CDH23: variants seen among roughly 807,000 people sequenced by gnomAD.
CDH23 encodes cadherin related 23.
In CDH23, 189 loss-of-function variants were observed where a neutral mutation model predicts 317.1. The observed-to-expected ratio is 0.60, with a 90% CI of 0.53 to 0.67. The LOEUF (loss-of-function observed/expected upper bound fraction) is 0.67, where lower values mean the gene tolerates loss of function less well. Among genes scored for constraint, CDH23 ranks in the 30% least tolerant of loss-of-function variants. CDH23 has a pLI of 0.00. For synonymous variants in CDH23, 1,839 were observed against 1,876.8 expected (o/e 0.98, Z 0.52); for missense variants, 4,401 against 4,592.4 (o/e 0.96, Z 1.20).
chr10:71,417,277 A>G lies in CDH23; in HGVS notation c.-6+19959A>G, dbSNP rs190293044. Reference sequence around the variant, plus strand: ...TTTTTAGTAGAGACAGGGTTTCACCATGTTGGCCAGGCTGTTCTCAAACTA... The same window carrying G: ...TTTTTAGTAGAGACAGGGTTTCACCGTGTTGGCCAGGCTGTTCTCAAACTA... On this transcript the variant is annotated intron_variant, in intron 1 of 69. Coordinates refer to ENST00000224721, the MANE Select transcript of CDH23 (RefSeq NM_022124.6). 4.4e-3 allele frequency among the ~76,000 whole-genome samples: 664 copies of G among 152,170 alleles called. 5 individuals are homozygous for G. The highest frequency in any genetic ancestry group is 0.015 in the African/African-American group (623 of 41,536).
At chr10:71,584,502 T>A (rs1480048618) in intron 9 of CDH23, among the ~76,000 whole-genome samples, 1 of 150,840 alleles carries the variant, frequency 6.6e-6, no homozygotes, top group Non-Finnish European at 1.5e-5. Flanking sequence ...TAAAATATAC[T>A]GAAATACATG....
In CDH23 at chr10:71,810,542, A is replaced by C. The variant is rs1031396546; in HGVS notation, c.9050A>C (p.Asp3017Ala). The C allele has an allele frequency of 6.2e-7, 1 of 1,613,926 alleles. No individual in the cohort carries two copies. The highest frequency in any genetic ancestry group is 1.6e-4 in the Middle Eastern group (1 of 6,062). ...CTGCTTATCCACGTGGTGAACCGCG[A>C]TACCAACCGCATCCTGGACGTGGAC... ...TELLIHVVNR[D>A]TNRILDVDRV... Residue 3017 changes from aspartate to alanine, a missense_variant, in exon 62 of 70, where the codon GAT becomes GCT. Coordinates refer to ENST00000224721, the MANE Select transcript of CDH23 (RefSeq NM_022124.6).
chr10:71,575,052 G>A (rs889508456), intron 8 of CDH23, among the ~76,000 whole-genome samples: 14 of 152,288 alleles, frequency 9.2e-5, no homozygotes, highest in African/African-American at 3.4e-4. Flanking sequence ...GAGAGAGGGG[G>A]AACCTTGCTG....
At chr10:71,799,697 C>T (rs1383810486) in intron 52 of CDH23, 68 bp downstream of exon 52, 4 of 1,605,638 alleles carry the variant, frequency 2.5e-6, no homozygotes, top group South Asian at 1.1e-5. Context: ...TGAGCAGCCA[C>T]CAAAAGTATT....
At chr10:71,563,711 AC>A (rs1200087794) in intron 6 of CDH23, among the ~76,000 whole-genome samples, 1 of 143,548 alleles carries the variant, frequency 7.0e-6, no homozygotes, top group Non-Finnish European at 1.5e-5. Flanking sequence ...TTTTTTTCAC[AC>A]CTTATCTCTT....
intron 11 of CDH23, among the ~76,000 whole-genome samples, chr10:71,626,407 G>A (rs1306195475): frequency 6.6e-6 from 1 of 152,216 alleles, no homozygotes; most frequent in East Asian, 1.9e-4. Context: ...GGTGGGAGCA[G>A]GGAGGAGACA....
At chr10:71,579,689 C>T (rs1589229149) in intron 9 of CDH23, among the ~76,000 whole-genome samples, 1 of 152,242 alleles carries the variant, frequency 6.6e-6, no homozygotes, top group East Asian at 1.9e-4. Context: ...GGAAACTGTT[C>T]TGCAGGAAGG....
intron 10 of CDH23, 125 bp downstream of exon 10, chr10:71,615,741 T>G: frequency 2.9e-6 from 2 of 678,656 alleles, no homozygotes; most frequent in Non-Finnish European, 5.2e-6. Flanking sequence ...GCTTCCGTGC[T>G]CTCACCCTGC....
intron 38 of CDH23, among the ~76,000 whole-genome samples, chr10:71,759,846 C>CACACACATACACACACACACACACAT (rs776230069): frequency 3.3e-5 from 2 of 59,964 alleles, no homozygotes; most frequent in African/African-American, 6.0e-5. Context: ...CACACACACA[C>CACACACATACACACACACACACACAT]ATATACACAC....
intron 6 of CDH23, among the ~76,000 whole-genome samples, chr10:71,565,595 G>C (rs1331821216): frequency 2.0e-5 from 3 of 152,188 alleles, no homozygotes; most frequent in Non-Finnish European, 4.4e-5. Context: ...AGTGCTTCTT[G>C]ACACCTCCCT....
chr10:71,815,087 C>CT lies in CDH23; in HGVS notation c.9875dup (p.Leu3293AlafsTer145). On this transcript the variant is annotated frameshift_variant, in exon 70 of 70. Transcript: ENST00000224721. LOFTEE classifies it high-confidence loss of function. ...TGTGGTGCACGGCAGCACGGGCACG[C>CT]TGCTGGCCACCGACCTCAACAGCCT... 5 of 1,611,222 alleles carry CT rather than the reference C, an allele frequency of 3.1e-6. No homozygotes were observed. The highest frequency in any genetic ancestry group is 4.2e-6 in the Non-Finnish European group (5 of 1,179,136).
At chr10:71,706,805 C>T (rs1865804271) in intron 25 of CDH23, 92 bp from the exon 26 acceptor site, 3 of 1,496,840 alleles carry the variant, frequency 2.0e-6, no homozygotes, top group African/African-American at 2.8e-5. Flanking sequence ...GAATTCATTC[C>T]CTACTTGGTC....
chr10:71,646,345 T>C, intron 13 of CDH23, 114 bp from the exon 14 acceptor site: 1 of 1,498,240 alleles, frequency 6.7e-7, no homozygotes, highest in Non-Finnish European at 9.1e-7. Context: ...GGGCAGAGAC[T>C]CTAACAGGTG....
intron 11 of CDH23, among the ~76,000 whole-genome samples, chr10:71,630,888 A>G (rs1458881842): frequency 2.0e-5 from 3 of 152,120 alleles, no homozygotes; most frequent in Admixed American, 2.0e-4. Flanking sequence ...AACCCCATCT[A>G]CCACCATGTG....
At chr10:71,445,745 G>A (rs1182982063) in intron 2 of CDH23, among the ~76,000 whole-genome samples, 1 of 151,530 alleles carries the variant, frequency 6.6e-6, no homozygotes, top group East Asian at 1.9e-4. Flanking sequence ...CTAATTGGGA[G>A]GCTGAGGCAG....
intron 1 of CDH23, among the ~76,000 whole-genome samples, chr10:71,406,539 C>T (rs979281938): frequency 6.6e-6 from 1 of 152,204 alleles, no homozygotes; most frequent in Non-Finnish European, 1.5e-5. Flanking sequence ...CTGTGGCAAA[C>T]TGCACATACT....
intron 29 of CDH23, 32 bp downstream of exon 29, chr10:71,724,137 T>C: frequency 6.5e-7 from 1 of 1,550,292 alleles, no homozygotes; most frequent in Non-Finnish European, 8.7e-7. Context: ...TGGGGGGCGG[T>C]CCTCCTGCCC....
Position 71,702,189 on chromosome 10 carries a change from A to G in CDH23, c.2565A>G (p.Lys855=). Residue 855 remains lysine (K), a synonymous_variant, in exon 23 of 70, where the codon AAA becomes AAG. Coordinates refer to ENST00000224721, the MANE Select transcript of CDH23 (RefSeq NM_022124.6). ...CCCATGAGGCCGAGCTGATGCGCAA[A>G]ATCGTCGTCTCTGTTACTGACTGTA... The part of the protein sequence containing the change: ...PDPHEAELMR[K]IVVSVTDCGR... 1 of 1,613,598 alleles carries G rather than the reference A, an allele frequency of 6.2e-7. No homozygotes were observed.
chr10:71,622,433 A>G (rs548764792), intron 11 of CDH23, among the ~76,000 whole-genome samples: 1 of 152,164 alleles, frequency 6.6e-6, no homozygotes, highest in South Asian at 2.1e-4. Flanking sequence ...CAGTTGTCCT[A>G]GAAAACGTTC....
Sources: allele counts gnomAD v4.1 joint callset (sites outside exome capture counted in the v4.1 genomes callset), GRCh38; gene constraint gnomAD v4.1.1; transcripts MANE v1.5; gene names NCBI Gene and HGNC (gene_info 2026-07-23, HGNC 2026-07-21).